LRFN2: variants seen among roughly 807,000 people sequenced by gnomAD.
LRFN2 encodes leucine rich repeat and fibronectin type III domain containing 2.
In LRFN2, 18 loss-of-function variants were observed where a neutral mutation model predicts 37.3. The ratio of observed to expected loss-of-function variants is 0.48; its 90% CI spans 0.33 to 0.72. The LOEUF (loss-of-function observed/expected upper bound fraction) is 0.72, where lower values mean the gene tolerates loss of function less well. LRFN2 is among the 30% of genes least tolerant of loss of function. The pLI, the probability that LRFN2 is intolerant of heterozygous loss-of-function variation, is 0.02. For synonymous variants in LRFN2, 556 were observed against 466.6 expected (o/e 1.19, Z -2.47); for missense variants, 1,006 against 1,060.7 (o/e 0.95, Z 0.72).
intron 1 of LRFN2, among the ~76,000 whole-genome samples, chr6:40,500,517 G>T (rs145687442): frequency 6.6e-6 from 1 of 152,324 alleles, no homozygotes. Flanking sequence ...CTTCCTTAAA[G>T]ATTCTGGAGA....
Position 40,433,086 on chromosome 6 carries a change from C to T in LRFN2, c.28G>A (p.Ala10Thr), listed in dbSNP as rs372128492. ...ACCACGGCAAACGCCATGCCAAACG[C>T]TAGCAGGCCACCAAGCAGGGTCTCC... The part of the protein sequence containing the change: METLLGGLL[A>T]FGMAFAVVDA... Residue 10 changes from alanine to threonine, a missense_variant, in exon 2 of 3, where the codon GCG becomes ACG. Ala to Thr is a moderately conservative substitution (Grantham distance 58). Transcript: ENST00000338305. The T allele has an allele frequency of 1.7e-4, 264 of 1,526,902 alleles. No individual in the cohort carries two copies. The highest frequency in any genetic ancestry group is 2.2e-4 in the Non-Finnish European group (255 of 1,138,776). 94.6% of individuals were successfully genotyped at this position (1,526,902 alleles called of 1,614,324 possible).
At chr6:40,503,787 G>A (rs531120399) in intron 1 of LRFN2, among the ~76,000 whole-genome samples, 1 of 152,254 alleles carries the variant, frequency 6.6e-6, no homozygotes, top group South Asian at 2.1e-4. Context: ...CTGGAAGGAC[G>A]AGGTTGGTGG....
At chr6:40,547,507 C>T (rs116593510) in intron 1 of LRFN2, among the ~76,000 whole-genome samples, 2,063 of 152,192 alleles carry the variant, frequency 0.014, 15 homozygotes, top group Non-Finnish European at 0.019. Context: ...GCCCTAGTTC[C>T]CCTATACTGG....
chr6:40,541,909 C>A (rs1049256105), intron 1 of LRFN2, among the ~76,000 whole-genome samples: 1 of 152,210 alleles, frequency 6.6e-6, no homozygotes, highest in African/African-American at 2.4e-5. Flanking sequence ...ACGCCTGCAT[C>A]CATCAGACAC....
chr6:40,464,101 G>A (rs1764406595), intron 1 of LRFN2, among the ~76,000 whole-genome samples: 1 of 152,074 alleles, frequency 6.6e-6, no homozygotes. Context: ...TCCCAGCTCA[G>A]GTCTCTATCA....
At chr6:40,578,445 A>G (rs1472105182) in intron 1 of LRFN2, among the ~76,000 whole-genome samples, 2 of 152,216 alleles carry the variant, frequency 1.3e-5, no homozygotes, top group Non-Finnish European at 2.9e-5. Flanking sequence ...ACTTCATAAC[A>G]TCTGTGCCTC....
intron 1 of LRFN2, among the ~76,000 whole-genome samples, chr6:40,457,466 G>T (rs1006622732): frequency 2.0e-5 from 3 of 151,724 alleles, no homozygotes; most frequent in Non-Finnish European, 4.4e-5. Context: ...TCAGCATAAG[G>T]TTACATCAGA....
At chr6:40,534,121 C>T (rs768415284) in intron 1 of LRFN2, among the ~76,000 whole-genome samples, 20 of 152,332 alleles carry the variant, frequency 1.3e-4, no homozygotes, top group African/African-American at 2.9e-4. Flanking sequence ...GCAGTCTGAA[C>T]GGCAGAGCCT....
At chr6:40,428,025 C>A (rs139454114) in intron 2 of LRFN2, among the ~76,000 whole-genome samples, 1 of 152,190 alleles carries the variant, frequency 6.6e-6, no homozygotes, top group Non-Finnish European at 1.5e-5. Flanking sequence ...CTACTTACCC[C>A]CTGTTTAACA....
At chr6:40,476,532 G>A (rs531684193) in intron 1 of LRFN2, among the ~76,000 whole-genome samples, 1 of 152,204 alleles carries the variant, frequency 6.6e-6, no homozygotes, top group Non-Finnish European at 1.5e-5. Context: ...GAGTTAGCAG[G>A]GGTAGCCCCT....
rs1383377724 is a variant in LRFN2, at chr6:40,581,382, G to A, written c.-19+5559C>T. Among the ~76,000 whole-genome samples the A allele has an allele frequency of 2.6e-5, 4 of 152,252 alleles. No homozygotes were observed. The East Asian group carries it at 7.7e-4, about 29-fold the overall frequency. ...GCGAGGACAGGAAGACAGAGGGGAC[G>A]GCCAAAGTCACACAGCAAGTTACGG... On this transcript the variant is annotated intron_variant, in intron 1 of 2. Coordinates refer to ENST00000338305, the MANE Select transcript of LRFN2 (RefSeq NM_020737.3).
intron 1 of LRFN2, among the ~76,000 whole-genome samples, chr6:40,483,867 T>C (rs182009281): frequency 4.6e-5 from 7 of 152,296 alleles, no homozygotes; most frequent in Non-Finnish European, 1.0e-4. Context: ...AAAGCATCCT[T>C]GGTTCCAAGT....
chr6:40,469,838 C>G (rs1049612649), intron 1 of LRFN2, among the ~76,000 whole-genome samples: 35 of 152,144 alleles, frequency 2.3e-4, no homozygotes, highest in Admixed American at 3.3e-4. Flanking sequence ...CCTGCCTTGT[C>G]CCCCCAAGAG....
At chr6:40,483,004 C>T (rs1223509816) in intron 1 of LRFN2, among the ~76,000 whole-genome samples, 1 of 152,244 alleles carries the variant, frequency 6.6e-6, no homozygotes, top group Non-Finnish European at 1.5e-5. Flanking sequence ...GTTCTTGGAA[C>T]TCTCACTTCC....
At chr6:40,463,923 C>A (rs951383042) in intron 1 of LRFN2, among the ~76,000 whole-genome samples, 1 of 152,124 alleles carries the variant, frequency 6.6e-6, no homozygotes, top group Non-Finnish European at 1.5e-5. Flanking sequence ...TGCCATCACA[C>A]CATTTCTTAT....
chr6:40,415,937 A>G (rs974882134), intron 2 of LRFN2, among the ~76,000 whole-genome samples: 7 of 152,246 alleles, frequency 4.6e-5, no homozygotes, highest in Non-Finnish European at 1.0e-4. Context: ...TTTATGCCTA[A>G]TAAGGATGAA....
intron 1 of LRFN2, among the ~76,000 whole-genome samples, chr6:40,512,650 A>G (rs1014359100): frequency 1.4e-4 from 22 of 152,194 alleles, no homozygotes; most frequent in African/African-American, 5.1e-4. Context: ...ACTGAAAATA[A>G]ACAGAACAGA....
At chr6:40,495,617 T>G (rs532245387) in intron 1 of LRFN2, among the ~76,000 whole-genome samples, 1 of 152,130 alleles carries the variant, frequency 6.6e-6, no homozygotes, top group Non-Finnish European at 1.5e-5. Context: ...GAAGCCTCCA[T>G]CATCTAGAAC....
At chr6:40,470,536 G>A (rs915073278) in intron 1 of LRFN2, among the ~76,000 whole-genome samples, 3 of 152,082 alleles carry the variant, frequency 2.0e-5, no homozygotes, top group African/African-American at 7.2e-5. Context: ...CTTGAACCCA[G>A]GAGGTGGAGG....
Sources: allele counts gnomAD v4.1 joint callset (sites outside exome capture counted in the v4.1 genomes callset), GRCh38; gene constraint gnomAD v4.1.1; transcripts MANE v1.5; gene names NCBI Gene and HGNC (gene_info 2026-07-23, HGNC 2026-07-21).